Variants in ENTREP2 observed in about 807,000 individuals in gnomAD.
ENTREP2 encodes endosomal transmembrane epsin interactor 2, also known as protein ENTREP2.
the ENTREP2 span, among the ~76,000 whole-genome samples, chr15:29,421,271 A>G: frequency 6.6e-6 from 1 of 150,454 alleles, no homozygotes; most frequent in South Asian, 2.1e-4. Context: ...TCTGCAGTGA[A>G]TAATATCTGC....
At chr15:29,472,182 C>T in the ENTREP2 span, among the ~76,000 whole-genome samples, 1 of 152,008 alleles carries the variant, frequency 6.6e-6, no homozygotes, top group Non-Finnish European at 1.5e-5. Flanking sequence ...GATGGTGTTG[C>T]CTTTGTTACC....
chr15:29,147,002 A>AT, the ENTREP2 span, among the ~76,000 whole-genome samples: 2 of 152,136 alleles, frequency 1.3e-5, no homozygotes, highest in Admixed American at 1.3e-4. Context: ...GCTCTTAGGC[A>AT]TTGCTTTCTT....
chr15:29,373,531 C>CTA, the ENTREP2 span: 6 of 152,278 alleles, frequency 3.9e-5, no homozygotes, highest in Admixed American at 3.9e-4. Context: ...TAACAAAAAA[C>CTA]TAAACTATAG....
At chr15:29,308,477 A>G in the ENTREP2 span, among the ~76,000 whole-genome samples, 1 of 152,212 alleles carries the variant, frequency 6.6e-6, no homozygotes, top group Admixed American at 6.5e-5. Context: ...ACAGTGCCAC[A>G]GGGAGACCCT....
chr15:29,266,274 G>T, the ENTREP2 span: 2 of 152,234 alleles, frequency 1.3e-5, no homozygotes, highest in Non-Finnish European at 2.9e-5. Flanking sequence ...TGGCTGAAAA[G>T]ATACTGAAAA....
At chr15:29,257,742 C>T in the ENTREP2 span, among the ~76,000 whole-genome samples, 2 of 152,186 alleles carry the variant, frequency 1.3e-5, no homozygotes, top group East Asian at 3.9e-4. Context: ...ATGTATACCC[C>T]TCAGCTGTAG....
At chr15:29,397,199 TGG>T in the ENTREP2 span, among the ~76,000 whole-genome samples, 2 of 152,092 alleles carry the variant, frequency 1.3e-5, no homozygotes, top group African/African-American at 4.8e-5. Context: ...GAGGACAGCC[TGG>T]CCAACATGGT....
the ENTREP2 span, among the ~76,000 whole-genome samples, chr15:29,369,845 T>C: frequency 7.9e-5 from 12 of 152,230 alleles, no homozygotes; most frequent in Admixed American, 2.6e-4. Context: ...ACTGGGTTAG[T>C]TCTCTGCAGA....
chr15:29,337,679 A>G, the ENTREP2 span, among the ~76,000 whole-genome samples: 1 of 152,196 alleles, frequency 6.6e-6, no homozygotes, highest in Admixed American at 6.5e-5. Context: ...GACAGAGGCT[A>G]ATCAGAGTTT....
chr15:29,389,822 C>T, the ENTREP2 span, among the ~76,000 whole-genome samples: 3 of 151,984 alleles, frequency 2.0e-5, no homozygotes, highest in African/African-American at 7.2e-5. Context: ...TTTGTTTCTT[C>T]GGGAGTGGGA....
chr15:29,419,855 A>T, the ENTREP2 span, among the ~76,000 whole-genome samples: 1 of 152,210 alleles, frequency 6.6e-6, no homozygotes, highest in African/African-American at 2.4e-5. Flanking sequence ...AGGAAGCTAA[A>T]ATAAAAATGT....
At chr15:29,657,478 G>GGGGGC in the ENTREP2 span, among the ~76,000 whole-genome samples, 608 of 110,746 alleles carry the variant, frequency 5.5e-3, 40 homozygotes, top group East Asian at 0.024. Flanking sequence ...TGTCGGCTGG[G>GGGGGC]GGGGCGGGGG....
the ENTREP2 span, among the ~76,000 whole-genome samples, chr15:29,217,745 TC>T: frequency 6.6e-6 from 1 of 152,230 alleles, no homozygotes. Flanking sequence ...CCTCCTGAAT[TC>T]TTTTTCAGGT....
the ENTREP2 span, among the ~76,000 whole-genome samples, chr15:29,521,366 A>G: frequency 6.6e-6 from 1 of 152,244 alleles, no homozygotes; most frequent in Non-Finnish European, 1.5e-5. Context: ...AACAAAGAGA[A>G]TTAACATAAC....
chr15:29,133,579 G>A, the ENTREP2 span, among the ~76,000 whole-genome samples: 7 of 152,220 alleles, frequency 4.6e-5, no homozygotes, highest in Non-Finnish European at 7.3e-5. Flanking sequence ...ACGTGGCCCT[G>A]GATGTTAGCT....
At chr15:29,341,981 T>C in the ENTREP2 span, among the ~76,000 whole-genome samples, 1 of 152,210 alleles carries the variant, frequency 6.6e-6, no homozygotes, top group Non-Finnish European at 1.5e-5. Flanking sequence ...GAATCCTATT[T>C]ACATCTTTAA....
the ENTREP2 span, chr15:29,124,625 C>T: frequency 7.0e-7 from 1 of 1,434,412 alleles, no homozygotes; most frequent in Non-Finnish European, 9.6e-7. Context: ...CAAGGACCCA[C>T]CAACACCCGC....
chr15:29,637,004 T>C, the ENTREP2 span, among the ~76,000 whole-genome samples: 18 of 152,116 alleles, frequency 1.2e-4, no homozygotes, highest in Non-Finnish European at 2.2e-4. Flanking sequence ...GGTTTAAACA[T>C]AAAGTTTACT....
At chr15:29,311,940 GA>G in the ENTREP2 span, among the ~76,000 whole-genome samples, 2 of 152,106 alleles carry the variant, frequency 1.3e-5, no homozygotes, top group Non-Finnish European at 2.9e-5. Context: ...GAGCTAAAGA[GA>G]AAAATTATAT....
Sources: gnomAD v4.1 joint callset for allele counts (sites outside exome capture counted in the v4.1 genomes callset) on GRCh38, gnomAD v4.1.1 for gene constraint, MANE v1.5 for transcripts, NCBI Gene and HGNC (gene_info 2026-07-23, HGNC 2026-07-21) for gene names.